The following JHY variants were observed in gnomAD, a reference collection of about 807,000 sequenced individuals.
The protein encoded by JHY is jhy protein homolog.
JHY carries 69 observed loss-of-function variants against 78.0 expected under a neutral mutation model. The observed-to-expected ratio is 0.88, with a 90% CI of 0.73 to 1.08. JHY has a LOEUF of 1.08. Among genes scored for constraint, JHY ranks in the 50% least tolerant of loss-of-function variants. The pLI, the probability that JHY is intolerant of heterozygous loss-of-function variation, is 0.00. For missense variants in JHY, 944 were observed against 927.8 expected (o/e 1.02, Z -0.23); for synonymous variants, 368 against 342.6 (o/e 1.07, Z -0.82).
intron 3 of JHY, among the ~76,000 whole-genome samples, chr11:122,907,032 T>A (rs1340132595): frequency 6.6e-6 from 1 of 152,146 alleles, no homozygotes; most frequent in African/African-American, 2.4e-5. Flanking sequence ...TGCTGGAGTG[T>A]AGTTGCTATG....
intron 5 of JHY, among the ~76,000 whole-genome samples, chr11:122,945,377 T>A (rs1367707282): frequency 5.3e-5 from 8 of 152,212 alleles, no homozygotes; most frequent in Non-Finnish European, 1.0e-4. Flanking sequence ...ACAGGATTTT[T>A]AAATATGTTT....
chr11:122,915,762 C>T (rs1003989345), intron 3 of JHY, among the ~76,000 whole-genome samples: 6 of 152,160 alleles, frequency 3.9e-5, no homozygotes, highest in Admixed American at 3.9e-4. Context: ...GATCCACCCG[C>T]CTCAGCCTCC....
Position 122,914,909 on chromosome 11 carries a change from T to A in JHY, c.865-9988T>A, listed in dbSNP as rs563175170. ...ACAGCATAATTTCAGTTGAACTTTA[T>A]GATTTTTTTCAATACGAGCCATTTT... is the stretch of plus-strand genomic sequence containing the variant. On this transcript the variant is annotated intron_variant, in intron 3 of 8. Coordinates refer to ENST00000227349, the MANE Select transcript of JHY (RefSeq NM_024806.4). Among the ~76,000 whole-genome samples, 98 of 152,324 alleles carry A rather than the reference T, an allele frequency of 6.4e-4. 1 individual carries two copies. The highest frequency in any genetic ancestry group is 2.2e-3 in the African/African-American group (93 of 41,572).
intron 2 of JHY, among the ~76,000 whole-genome samples, chr11:122,895,382 G>A (rs1862717180): frequency 6.6e-6 from 1 of 152,126 alleles, no homozygotes; most frequent in Non-Finnish European, 1.5e-5. Context: ...CAGGCAAAAT[G>A]GCCAGTTATT....
At chr11:122,941,059 A>G (rs1471139271) in intron 5 of JHY, among the ~76,000 whole-genome samples, 1 of 152,158 alleles carries the variant, frequency 6.6e-6, no homozygotes, top group Non-Finnish European at 1.5e-5. Flanking sequence ...TTTCTGGCAT[A>G]GTAATATGTT....
intron 3 of JHY, among the ~76,000 whole-genome samples, chr11:122,906,790 T>C (rs1863003988): frequency 6.6e-6 from 1 of 152,232 alleles, no homozygotes; most frequent in South Asian, 2.1e-4. Context: ...ATTCCACAGC[T>C]GAATTTTCTT....
chr11:122,937,800 T>C (rs1863789418), intron 5 of JHY, among the ~76,000 whole-genome samples: 1 of 152,154 alleles, frequency 6.6e-6, no homozygotes, highest in African/African-American at 2.4e-5. Flanking sequence ...CTAATTTTGA[T>C]AGAGAACATC....
rs184814183 is a variant in JHY at position 122,933,001 on chromosome 11, G to A, written c.979-1419G>A. Reference sequence around the variant, plus strand: ...GCTTCTAAATTTCAAATTAGAAGTCGTTATTTCTTAAAAATATGATATGAT... The same window carrying A: ...GCTTCTAAATTTCAAATTAGAAGTCATTATTTCTTAAAAATATGATATGAT... On this transcript the variant is annotated intron_variant, in intron 4 of 8. Coordinates refer to ENST00000227349, the MANE Select transcript of JHY (RefSeq NM_024806.4). 1.9e-3 allele frequency among the ~76,000 whole-genome samples: 283 copies of A among 152,174 alleles called. 1 individual carries two copies. Among genetic ancestry groups the A allele is most frequent in the African/African-American group, 6.4e-3 (265 of 41,510 alleles).
At chr11:122,925,497 A>G (rs894293409) in intron 4 of JHY, among the ~76,000 whole-genome samples, 5 of 152,214 alleles carry the variant, frequency 3.3e-5, no homozygotes, top group African/African-American at 4.8e-5. Context: ...GCGTGATGAC[A>G]TCCTTTCTGG....
In JHY at chr11:122,928,252, C is replaced by T. The variant is rs150317937; in HGVS notation, c.978+3242C>T. ...GGAGGACTGCTAGAGGCCAGGAATT[C>T]GATGTTACAGGTGCCACTGTACTCC... On this transcript the variant is annotated intron_variant, in intron 4 of 8. Coordinates refer to ENST00000227349, the MANE Select transcript of JHY (RefSeq NM_024806.4). Among the ~76,000 whole-genome samples, 439 of 152,124 alleles carry T rather than the reference C, an allele frequency of 2.9e-3. 2 individuals are homozygous for T. Among genetic ancestry groups the T allele is most frequent in the Middle Eastern group, 0.014 (4 of 294 alleles).
At chr11:122,886,941 A>G (rs1565303167) in intron 2 of JHY, among the ~76,000 whole-genome samples, 1 of 152,350 alleles carries the variant, frequency 6.6e-6, no homozygotes, top group African/African-American at 2.4e-5. Flanking sequence ...AATAACCAGA[A>G]TTTAAGGGAT....
intron 2 of JHY, among the ~76,000 whole-genome samples, chr11:122,896,764 G>A (rs1438919788): frequency 6.6e-6 from 1 of 152,172 alleles, no homozygotes; most frequent in East Asian, 1.9e-4. Context: ...GGCTAGTGCT[G>A]GAGCTCTCTG....
intron 6 of JHY, 162 bp downstream of exon 6, chr11:122,946,954 C>A: frequency 1.4e-6 from 1 of 736,470 alleles, no homozygotes; most frequent in Non-Finnish European, 2.1e-6. Context: ...CCCTGCTACT[C>A]CCTGGGGTTT....
At chr11:122,920,433 A>G (rs1863336618) in intron 3 of JHY, among the ~76,000 whole-genome samples, 1 of 152,220 alleles carries the variant, frequency 6.6e-6, no homozygotes, top group Admixed American at 6.5e-5. Flanking sequence ...AAAACAGAAT[A>G]TAAAGGAAAA....
chr11:122,921,396 T>C (rs1863362263), intron 3 of JHY, among the ~76,000 whole-genome samples: 1 of 152,204 alleles, frequency 6.6e-6, no homozygotes, highest in Non-Finnish European at 1.5e-5. Context: ...AGAGTTCAAC[T>C]TCCTTTTTTC....
At chr11:122,914,722 T>C (rs1179620801) in intron 3 of JHY, among the ~76,000 whole-genome samples, 2 of 152,048 alleles carry the variant, frequency 1.3e-5, no homozygotes, top group Non-Finnish European at 2.9e-5. Context: ...GGATTACAGG[T>C]GTGAGCCACC....
rs1862748989 is a variant in JHY, at chr11:122,896,809, T to A, written c.345-7116T>A. Among the ~76,000 whole-genome samples, 3 of 152,210 alleles carry A rather than the reference T, an allele frequency of 2.0e-5. 1 individual carries two copies. In the South Asian group the frequency reaches 6.2e-4, roughly 31 times the overall value. On this transcript the variant is annotated intron_variant, in intron 2 of 8. Coordinates refer to ENST00000227349, the MANE Select transcript of JHY (RefSeq NM_024806.4). ...TCCACAGGTAGTCCTCATGGAACCC[T>A]TACTGTGTGCCAGGGACACAGTTCT...
In JHY at chr11:122,935,390, A is replaced by G. The variant is rs548729217; in HGVS notation, c.1634+315A>G. ...GCAGGGATTACAAGCGTTCACCACCACACCGGGCTAATTTTTGTATTTTTA... is the reference window on the plus strand; with the variant it reads ...GCAGGGATTACAAGCGTTCACCACCGCACCGGGCTAATTTTTGTATTTTTA... On this transcript the variant is annotated intron_variant, in intron 5 of 8. Coordinates refer to ENST00000227349, the MANE Select transcript of JHY (RefSeq NM_024806.4). This position sits in a 1 kb window ranked among gnomAD's most constrained non-coding sequence, Gnocchi z 4.5. Among the ~76,000 whole-genome samples the G allele has an allele frequency of 2.0e-5, 3 of 152,102 alleles. No homozygotes were observed. The East Asian group carries it at 5.8e-4, about 29-fold the overall frequency.
chr11:122,915,277 C>CG (rs1863211924), intron 3 of JHY, among the ~76,000 whole-genome samples: 1 of 152,120 alleles, frequency 6.6e-6, no homozygotes, highest in African/African-American at 2.4e-5. Flanking sequence ...TATGAGCCCG[C>CG]GGTCATTTTC....
Sources: allele counts gnomAD v4.1 joint callset (sites outside exome capture counted in the v4.1 genomes callset), GRCh38; gene constraint gnomAD v4.1.1; non-coding constraint Gnocchi (gnomAD v3.1); transcripts MANE v1.5; gene names NCBI Gene and HGNC (gene_info 2026-07-23, HGNC 2026-07-21).